Variants in KCNK13 observed in about 807,000 individuals in gnomAD.
KCNK13 encodes potassium two pore domain channel subfamily K member 13.
Under a neutral mutation model 23.4 loss-of-function variants are expected in KCNK13, and 12 were observed. The ratio of observed to expected loss-of-function variants is 0.51; its 90% CI spans 0.33 to 0.83. The LOEUF (loss-of-function observed/expected upper bound fraction) is 0.83, where lower values mean the gene tolerates loss of function less well. Ranked by LOEUF, KCNK13 falls within the 40% of genes least tolerant of loss-of-function variation. KCNK13 has a pLI of 0.02. For missense variants in KCNK13, 463 were observed against 556.3 expected (o/e 0.83, Z 1.69); for synonymous variants, 231 against 229.5 (o/e 1.01, Z -0.06).
intron 1 of KCNK13, among the ~76,000 whole-genome samples, chr14:90,101,861 T>C (rs950868463): frequency 2.0e-5 from 3 of 146,654 alleles, no homozygotes; most frequent in African/African-American, 7.6e-5. Context: ...AAATACCACC[T>C]GTTCCCCCGA....
intron 1 of KCNK13, among the ~76,000 whole-genome samples, chr14:90,136,296 A>G (rs1889936205): frequency 6.6e-6 from 1 of 152,142 alleles, no homozygotes; most frequent in Non-Finnish European, 1.5e-5. Flanking sequence ...TTCCATGTCC[A>G]TCATGGTCCC....
At chr14:90,069,287 G>A (rs1357209099) in intron 1 of KCNK13, among the ~76,000 whole-genome samples, 3 of 151,914 alleles carry the variant, frequency 2.0e-5, no homozygotes, top group Admixed American at 1.3e-4. Context: ...TGCCCACCTC[G>A]GCCTCCCAAA....
At chr14:90,087,871 C>G (rs1889299569) in intron 1 of KCNK13, among the ~76,000 whole-genome samples, 1 of 152,244 alleles carries the variant, frequency 6.6e-6, no homozygotes, top group Admixed American at 6.5e-5. Flanking sequence ...CCTTCTGGTG[C>G]TTAGCCCACC....
intron 1 of KCNK13, among the ~76,000 whole-genome samples, chr14:90,167,543 G>A (rs1044201184): frequency 1.8e-4 from 28 of 152,166 alleles, no homozygotes; most frequent in African/African-American, 6.3e-4. Flanking sequence ...ATGCTGATTT[G>A]TAGGTAAGGC....
intron 1 of KCNK13, among the ~76,000 whole-genome samples, chr14:90,108,806 T>G (rs764773787): frequency 6.6e-6 from 1 of 152,168 alleles, no homozygotes; most frequent in Non-Finnish European, 1.5e-5. Context: ...AAGCACAAAA[T>G]GTAAAACATT....
intron 1 of KCNK13, among the ~76,000 whole-genome samples, chr14:90,138,656 G>A (rs1202565110): frequency 6.6e-6 from 1 of 152,204 alleles, no homozygotes; most frequent in Non-Finnish European, 1.5e-5. Context: ...GCTTGACATA[G>A]GATCTCTGAG....
intron 1 of KCNK13, among the ~76,000 whole-genome samples, chr14:90,126,791 C>T (rs1889806738): frequency 6.6e-6 from 1 of 152,180 alleles, no homozygotes; most frequent in Non-Finnish European, 1.5e-5. Flanking sequence ...GATCTGCCCA[C>T]CTTAGCCTCC....
At chr14:90,097,567 G>C (rs1367771053) in intron 1 of KCNK13, among the ~76,000 whole-genome samples, 1 of 152,114 alleles carries the variant, frequency 6.6e-6, no homozygotes, top group Non-Finnish European at 1.5e-5. Context: ...TTTTGGTGGG[G>C]ACATATTCAA....
At chr14:90,068,220 C>A (rs1183197483) in intron 1 of KCNK13, among the ~76,000 whole-genome samples, 2 of 152,144 alleles carry the variant, frequency 1.3e-5, no homozygotes, top group Non-Finnish European at 2.9e-5. Context: ...AACCACCACT[C>A]CCTACTTCAA....
intron 1 of KCNK13, among the ~76,000 whole-genome samples, chr14:90,089,217 A>G (rs1474660113): frequency 2.0e-5 from 3 of 152,228 alleles, no homozygotes; most frequent in Non-Finnish European, 2.9e-5. Flanking sequence ...CTTGTTGAAT[A>G]GCTTGGACAA....
intron 1 of KCNK13, among the ~76,000 whole-genome samples, chr14:90,082,209 A>G (rs1307040315): frequency 6.6e-6 from 1 of 151,056 alleles, no homozygotes; most frequent in Non-Finnish European, 1.5e-5. Context: ...CTATAGGCAT[A>G]TGCCACCACA....
At chr14:90,147,104 A>G (rs965662457) in intron 1 of KCNK13, among the ~76,000 whole-genome samples, 5 of 152,178 alleles carry the variant, frequency 3.3e-5, no homozygotes, top group African/African-American at 9.7e-5. Context: ...TTGCATTTCT[A>G]TGTGCTGCCT....
intron 1 of KCNK13, among the ~76,000 whole-genome samples, chr14:90,074,037 T>A (rs938567565): frequency 6.6e-5 from 10 of 151,976 alleles, no homozygotes; most frequent in African/African-American, 2.4e-4. Flanking sequence ...GACGCGATCT[T>A]GGCTCACTGC....
intron 1 of KCNK13, among the ~76,000 whole-genome samples, chr14:90,137,317 A>AT (rs1307853054): frequency 1.3e-5 from 2 of 150,622 alleles, no homozygotes; most frequent in East Asian, 1.9e-4. Flanking sequence ...TTATTTATTT[A>AT]TTTATTTTTA....
At chr14:90,140,208 A>T (rs1020568635) in intron 1 of KCNK13, among the ~76,000 whole-genome samples, 1 of 152,030 alleles carries the variant, frequency 6.6e-6, no homozygotes, top group Non-Finnish European at 1.5e-5. Flanking sequence ...AGGGAGAAAA[A>T]CCACACCTCA....
intron 1 of KCNK13, among the ~76,000 whole-genome samples, chr14:90,143,464 A>T (rs1890038716): frequency 6.6e-6 from 1 of 152,112 alleles, no homozygotes; most frequent in Non-Finnish European, 1.5e-5. Context: ...TTTGTAAAGA[A>T]TCAGTTGACC....
intron 1 of KCNK13, among the ~76,000 whole-genome samples, chr14:90,176,374 C>T (rs1265911975): frequency 6.6e-6 from 1 of 152,130 alleles, no homozygotes; most frequent in Admixed American, 6.5e-5. Flanking sequence ...GGACCCAGGG[C>T]CTCCTGCTGA....
chr14:90,171,545 C>T (rs1373133547), intron 1 of KCNK13, among the ~76,000 whole-genome samples: 24 of 152,166 alleles, frequency 1.6e-4, no homozygotes, highest in Admixed American at 6.5e-5. Context: ...GAAGTCCTGA[C>T]GGCATGTGCC....
intron 1 of KCNK13, among the ~76,000 whole-genome samples, chr14:90,133,886 G>T (rs1889904182): frequency 6.6e-6 from 1 of 152,174 alleles, no homozygotes; most frequent in Non-Finnish European, 1.5e-5. Flanking sequence ...CTGTGAGGCA[G>T]TCTACCCATT....
Sources: allele counts gnomAD v4.1 joint callset (sites outside exome capture counted in the v4.1 genomes callset), GRCh38; gene constraint gnomAD v4.1.1; transcripts MANE v1.5; gene names NCBI Gene and HGNC (gene_info 2026-07-23, HGNC 2026-07-21).